The following GUCY1A2 variants were observed in gnomAD, a reference collection of about 807,000 sequenced individuals.
GUCY1A2 encodes guanylate cyclase soluble subunit alpha-2.
Under a neutral mutation model 63.5 loss-of-function variants are expected in GUCY1A2, and 27 were observed. The observed-to-expected ratio is 0.43, with a 90% confidence interval of 0.31 to 0.59. The LOEUF is 0.59. Among genes scored for constraint, GUCY1A2 ranks in the 20% least tolerant of loss-of-function variants. The probability of loss-of-function intolerance (pLI) is 0.11; values close to 1 mark genes in which losing one functional copy is unlikely to be tolerated. For synonymous variants in GUCY1A2, 364 were observed against 343.5 expected (o/e 1.06, Z -0.66); for missense variants, 768 against 913.3 (o/e 0.84, Z 2.05).
At chr11:106,770,967 A>G (rs1864245641) in intron 6 of GUCY1A2, among the ~76,000 whole-genome samples, 1 of 151,930 alleles carries the variant, frequency 6.6e-6, no homozygotes, top group Non-Finnish European at 1.5e-5. Context: ...TTTCCTGCAT[A>G]CTTGCCTCAT....
intron 4 of GUCY1A2, among the ~76,000 whole-genome samples, chr11:106,861,220 T>C (rs1859507336): frequency 6.6e-6 from 1 of 151,914 alleles, no homozygotes; most frequent in Admixed American, 6.6e-5. Flanking sequence ...AACATACTCT[T>C]AGAGCTAATC....
At chr11:106,738,685 A>G (rs1863633083) in intron 6 of GUCY1A2, among the ~76,000 whole-genome samples, 1 of 152,248 alleles carries the variant, frequency 6.6e-6, no homozygotes, top group East Asian at 1.9e-4. Flanking sequence ...CAGGTTTGTC[A>G]AAGATTAGAT....
chr11:106,930,475 A>T lies in GUCY1A2; in HGVS notation c.1206+8985T>A, dbSNP rs557228103. Among the ~76,000 whole-genome samples, 4 of 152,302 alleles carry T rather than the reference A, an allele frequency of 2.6e-5. No individual in the cohort carries two copies. In the East Asian group the frequency reaches 7.7e-4, roughly 29 times the overall value. On this transcript the variant is annotated intron_variant, in intron 4 of 7. Coordinates refer to ENST00000526355, the MANE Select transcript of GUCY1A2 (RefSeq NM_000855.3). Reference sequence around the variant, plus strand: ...TAATCATACACAATACTGTCTCTCAATACTGCTTTTTTTCTGTGCTTGCTC... The same window carrying T: ...TAATCATACACAATACTGTCTCTCATTACTGCTTTTTTTCTGTGCTTGCTC...
At chr11:106,902,225 C>T (rs1860144111) in intron 4 of GUCY1A2, among the ~76,000 whole-genome samples, 1 of 152,206 alleles carries the variant, frequency 6.6e-6, no homozygotes, top group Non-Finnish European at 1.5e-5. Flanking sequence ...ATCTCTTTTA[C>T]TGAGCGGTAA....
At chr11:107,008,321 G>A (rs1014506507) in intron 1 of GUCY1A2, among the ~76,000 whole-genome samples, 2 of 151,030 alleles carry the variant, frequency 1.3e-5, no homozygotes, top group Admixed American at 6.6e-5. Context: ...TACCCAAAGT[G>A]AGAGGCAATT....
At chr11:106,999,618 T>C (rs981139228) in intron 1 of GUCY1A2, among the ~76,000 whole-genome samples, 1 of 152,214 alleles carries the variant, frequency 6.6e-6, no homozygotes, top group African/African-American at 2.4e-5. Flanking sequence ...TATTTTATAG[T>C]TATACAATTG....
At chr11:106,740,424 CATAGAG>C (rs1863673464) in intron 6 of GUCY1A2, among the ~76,000 whole-genome samples, 1 of 151,990 alleles carries the variant, frequency 6.6e-6, no homozygotes, top group Non-Finnish European at 1.5e-5. Context: ...TATGGTTGGC[CATAGAG>C]CAGTGATGTG....
In GUCY1A2 at chr11:106,683,475, C is replaced by T. The variant is rs555129368; in HGVS notation, c.*4074G>A. ...GTGAAGCTGCAGATATAATCAATGC[C>T]CCGGCACATCCAGTTCATTACTACA... On this transcript the variant is annotated 3_prime_UTR_variant, in exon 8 of 8. Transcript: ENST00000526355. 4.4e-6 allele frequency: 1 copy of T among 227,456 alleles called. No homozygotes were observed. Among genetic ancestry groups the T allele is most frequent in the East Asian group, 6.3e-5 (1 of 15,964 alleles). The allele number at this position is 227,456 out of a possible 1,614,324, so 14.1% of individuals were successfully genotyped here.
At chr11:106,872,449 A>T (rs962367488) in intron 4 of GUCY1A2, among the ~76,000 whole-genome samples, 2 of 152,176 alleles carry the variant, frequency 1.3e-5, no homozygotes, top group African/African-American at 4.8e-5. Context: ...GGAATGTTCT[A>T]TGAAGAGCAT....
Position 106,685,107 on chromosome 11 carries a change from G to A in GUCY1A2, c.*2442C>T, listed in dbSNP as rs1250414966. 1 of 206,886 alleles carries A rather than the reference G, an allele frequency of 4.8e-6. No homozygotes were observed. The highest frequency in any genetic ancestry group is 7.3e-5 in the East Asian group (1 of 13,682). 12.8% of individuals were successfully genotyped at this position (206,886 alleles called of 1,614,324 possible). Reference sequence around the variant, plus strand: ...AATTGGACCATTATCTCGGACTATAGCTGTGAAAATACACTTAGGTTATAA... The same window carrying A: ...AATTGGACCATTATCTCGGACTATAACTGTGAAAATACACTTAGGTTATAA... On this transcript the variant is annotated 3_prime_UTR_variant, in exon 8 of 8. Coordinates refer to ENST00000526355, the MANE Select transcript of GUCY1A2 (RefSeq NM_000855.3).
intron 5 of GUCY1A2, among the ~76,000 whole-genome samples, chr11:106,803,450 A>G (rs1254372989): frequency 1.3e-5 from 2 of 152,170 alleles, no homozygotes; most frequent in East Asian, 3.9e-4. Flanking sequence ...AATAAATCCA[A>G]ATAAATAAGC....
intron 3 of GUCY1A2, among the ~76,000 whole-genome samples, chr11:106,944,368 C>A (rs1436349299): frequency 3.3e-5 from 5 of 151,928 alleles, no homozygotes; most frequent in African/African-American, 1.2e-4. Flanking sequence ...ATCACCTGAG[C>A]CCAAGCAAGT....
chr11:106,827,377 C>T, intron 4 of GUCY1A2: 1 of 1,546,194 alleles, frequency 6.5e-7, no homozygotes, highest in South Asian at 1.1e-5. Flanking sequence ...TTTAATGGCC[C>T]AAATCACTTC....
chr11:106,947,213 T>A (rs1487706532), intron 3 of GUCY1A2, among the ~76,000 whole-genome samples: 4 of 137,908 alleles, frequency 2.9e-5, no homozygotes, highest in Non-Finnish European at 6.2e-5. Context: ...CAAGACTCCA[T>A]CTCACAAAAA....
intron 4 of GUCY1A2, among the ~76,000 whole-genome samples, chr11:106,839,069 G>T (rs1454462144): frequency 6.6e-5 from 10 of 152,002 alleles, no homozygotes; most frequent in African/African-American, 2.4e-4. Context: ...TGTCCTGAAT[G>T]GTATTGCCTA....
intron 6 of GUCY1A2, among the ~76,000 whole-genome samples, chr11:106,772,807 G>A (rs1447037663): frequency 6.6e-6 from 1 of 152,094 alleles, no homozygotes; most frequent in Non-Finnish European, 1.5e-5. Context: ...TGCCCAGCTG[G>A]TAGGCTTGAA....
chr11:106,800,843 A>C (rs1864863829), intron 5 of GUCY1A2, among the ~76,000 whole-genome samples: 1 of 151,964 alleles, frequency 6.6e-6, no homozygotes, highest in Admixed American at 6.6e-5. Context: ...CATATGTAAC[A>C]AACCTGCACG....
At chr11:106,722,617 G>T (rs1863335372) in intron 6 of GUCY1A2, among the ~76,000 whole-genome samples, 1 of 152,006 alleles carries the variant, frequency 6.6e-6, no homozygotes, top group Admixed American at 6.6e-5. Flanking sequence ...GCTTTGAGAA[G>T]AAAGCTCTGA....
At chr11:106,777,679 G>A (rs569357485) in intron 5 of GUCY1A2, among the ~76,000 whole-genome samples, 35 of 137,696 alleles carry the variant, frequency 2.5e-4, no homozygotes, top group East Asian at 1.5e-3. Flanking sequence ...GGGGCCTGTC[G>A]GGGGGTGGGG....
Sources: allele counts gnomAD v4.1 joint callset (sites outside exome capture counted in the v4.1 genomes callset), GRCh38; gene constraint gnomAD v4.1.1; transcripts MANE v1.5; gene names NCBI Gene and HGNC (gene_info 2026-07-23, HGNC 2026-07-21).